ITPR1: variants seen among roughly 807,000 people sequenced by gnomAD.
The protein encoded by ITPR1 is inositol 1,4,5-trisphosphate receptor type 1.
In ITPR1, 96 loss-of-function variants were observed where a neutral mutation model predicts 318.4. The observed-to-expected ratio is 0.30, with a 90% CI of 0.26 to 0.36. The LOEUF is 0.36. Ranked by LOEUF, ITPR1 falls within the 10% of genes least tolerant of loss-of-function variation. The probability of loss-of-function intolerance (pLI) is 1.00; values close to 1 mark genes in which losing one functional copy is unlikely to be tolerated. For missense variants in ITPR1, 2,440 were observed against 3,460.2 expected (o/e 0.71, Z 7.40); for synonymous variants, 1,312 against 1,289.9 (o/e 1.02, Z -0.37).
intron 7 of ITPR1, among the ~76,000 whole-genome samples, chr3:4,642,643 T>C (rs2093363414): frequency 6.6e-6 from 1 of 152,124 alleles, no homozygotes; most frequent in Admixed American, 6.5e-5. Context: ...GAAACAACCG[T>C]AGTAAAGAAG....
chr3:4,783,967 A>T, intron 51 of ITPR1, 47 bp downstream of exon 51: 1 of 1,287,138 alleles, frequency 7.8e-7, no homozygotes, highest in Non-Finnish European at 1.1e-6. Flanking sequence ...TGAGGCCATT[A>T]GTGTGCAATG....
chr3:4,632,259 A>G (rs2093037236), intron 5 of ITPR1, among the ~76,000 whole-genome samples: 1 of 152,208 alleles, frequency 6.6e-6, no homozygotes, highest in South Asian at 2.1e-4. Flanking sequence ...ATGTGTCTTT[A>G]GTTGTCCTCA....
At chr3:4,827,234 C>T (rs377590772) in intron 60 of ITPR1, among the ~76,000 whole-genome samples, 1 of 152,200 alleles carries the variant, frequency 6.6e-6, no homozygotes, top group Non-Finnish European at 1.5e-5. Flanking sequence ...TTGCCCTTTA[C>T]TTCCAGACGT....
chr3:4,724,492 A>T (rs1312667602), intron 40 of ITPR1: 1 of 152,184 alleles, frequency 6.6e-6, no homozygotes, highest in Non-Finnish European at 1.5e-5. Flanking sequence ...AGTGTGCTGG[A>T]GCCCTGTTAG....
chr3:4,619,736 C>T (rs1290296857), intron 4 of ITPR1, among the ~76,000 whole-genome samples: 1 of 40,866 alleles, frequency 2.4e-5, no homozygotes, highest in Admixed American at 2.5e-4. Context: ...CTCTGCTCTC[C>T]CCTGCTCTCC....
intron 4 of ITPR1, among the ~76,000 whole-genome samples, chr3:4,542,710 A>G (rs1015980360): frequency 2.6e-5 from 4 of 151,940 alleles, no homozygotes; most frequent in African/African-American, 4.8e-5. Context: ...GCTTTATGCA[A>G]TGGTCTCTTA....
intron 4 of ITPR1, among the ~76,000 whole-genome samples, chr3:4,595,380 ATC>A: frequency 6.6e-6 from 1 of 152,266 alleles, no homozygotes; most frequent in Admixed American, 6.5e-5. Context: ...AAACAGCCAG[ATC>A]TCGTGAGAAC....
intron 32 of ITPR1, among the ~76,000 whole-genome samples, chr3:4,692,398 A>T (rs1192312486): frequency 1.3e-5 from 2 of 152,220 alleles, no homozygotes; most frequent in Non-Finnish European, 2.9e-5. Context: ...CAGTTTGTCT[A>T]TAATAAATTA....
chr3:4,724,751 CCT>C (rs2042389684), intron 40 of ITPR1, among the ~76,000 whole-genome samples: 2 of 152,120 alleles, frequency 1.3e-5, no homozygotes, highest in Admixed American at 1.3e-4. Context: ...CCCTGCATGC[CCT>C]CTCACCCCTT....
intron 24 of ITPR1, 97 bp downstream of exon 24, chr3:4,676,898 A>G: frequency 1.1e-6 from 1 of 930,748 alleles, no homozygotes; most frequent in Non-Finnish European, 1.6e-6. Flanking sequence ...GCTTTCTGGG[A>G]AGAAAATGGG....
chr3:4,816,787 G>T (rs148858801), intron 59 of ITPR1, among the ~76,000 whole-genome samples: 1 of 152,114 alleles, frequency 6.6e-6, no homozygotes, highest in East Asian at 1.9e-4. Flanking sequence ...TGTAAATATC[G>T]TGCTATTCCT....
At chr3:4,568,260 T>C (rs1044655240) in intron 4 of ITPR1, among the ~76,000 whole-genome samples, 2 of 152,196 alleles carry the variant, frequency 1.3e-5, no homozygotes, top group Admixed American at 6.5e-5. Flanking sequence ...AAGTAAAAAC[T>C]AGGCATACTC....
chr3:4,740,011 C>T (rs1261841965), intron 44 of ITPR1, among the ~76,000 whole-genome samples: 1 of 152,138 alleles, frequency 6.6e-6, no homozygotes, highest in Non-Finnish European at 1.5e-5. Flanking sequence ...TTTTCAAAGC[C>T]TGGGTTTAGA....
chr3:4,784,654 G>A (rs1241163800), intron 51 of ITPR1, among the ~76,000 whole-genome samples: 3 of 150,124 alleles, frequency 2.0e-5, no homozygotes, highest in Non-Finnish European at 4.4e-5. Flanking sequence ...GCCGAGGCAG[G>A]TAGATCACTT....
intron 30 of ITPR1, among the ~76,000 whole-genome samples, chr3:4,688,248 A>G (rs1574864887): frequency 1.6e-5 from 2 of 126,076 alleles, no homozygotes; most frequent in East Asian, 2.0e-4. Flanking sequence ...GGACTCATGG[A>G]TGCCTTCTAT....
rs143356676 is a variant in ITPR1 at position 4,549,657 on chromosome 3, C to T, written c.163+28563C>T. ...TCTTCCATCTGAAAAGTGGGGCTGC[C>T]GTCCTCTTCTGGGGAATGGAACCAA... is the stretch of plus-strand genomic sequence containing the variant. On this transcript the variant is annotated intron_variant, in intron 4 of 61. Transcript: ENST00000649015. Among the ~76,000 whole-genome samples, 945 of 152,206 alleles carry T rather than the reference C, an allele frequency of 6.2e-3. 7 individuals carry two copies. The highest frequency in any genetic ancestry group is 0.022 in the African/African-American group (910 of 41,512).
At chr3:4,540,274 A>G (rs2084309314) in intron 4 of ITPR1, among the ~76,000 whole-genome samples, 1 of 152,086 alleles carries the variant, frequency 6.6e-6, no homozygotes, top group Non-Finnish European at 1.5e-5. Flanking sequence ...TTGACGTCTT[A>G]TAGTCTGTTT....
chr3:4,644,307 G>A (rs947255670), intron 8 of ITPR1, 73 bp downstream of exon 8: 11 of 998,734 alleles, frequency 1.1e-5, no homozygotes, highest in East Asian at 1.1e-4. Context: ...CAGTGCATGC[G>A]TGTGCTGAGA....
intron 40 of ITPR1, among the ~76,000 whole-genome samples, chr3:4,721,650 T>C (rs2042172810): frequency 2.0e-5 from 3 of 152,198 alleles, no homozygotes; most frequent in Admixed American, 6.5e-5. Context: ...GATTTGCTGA[T>C]AACTAGATCT....
Sources: allele counts gnomAD v4.1 joint callset (sites outside exome capture counted in the v4.1 genomes callset), GRCh38; gene constraint gnomAD v4.1.1; transcripts MANE v1.5; gene names NCBI Gene and HGNC (gene_info 2026-07-23, HGNC 2026-07-21).